Variants in CCDC57 observed in about 807,000 individuals in gnomAD.
CCDC57 encodes the protein coiled-coil domain-containing protein 57.
CCDC57 carries 118 observed loss-of-function variants against 118.9 expected under a neutral mutation model. The ratio of observed to expected loss-of-function variants is 0.99; its 90% CI spans 0.86 to 1.16. The LOEUF (loss-of-function observed/expected upper bound fraction) is 1.16, where lower values mean the gene tolerates loss of function less well. Ranked by LOEUF, CCDC57 falls within the 50% of genes most tolerant of loss-of-function variation. CCDC57 has a pLI of 0.00. For missense variants in CCDC57, 1,300 were observed against 1,320.7 expected (o/e 0.98, Z 0.24); for synonymous variants, 527 against 532.9 (o/e 0.99, Z 0.15).
At chr17:82,128,193 C>T (rs758310265) in intron 18 of CCDC57, among the ~76,000 whole-genome samples, 3 of 152,148 alleles carry the variant, frequency 2.0e-5, no homozygotes, top group Non-Finnish European at 4.4e-5. Flanking sequence ...TGTTTCGTTT[C>T]GATGGGGAAT....
intron 19 of CCDC57, among the ~76,000 whole-genome samples, chr17:82,103,440 C>A (rs1332160062): frequency 1.3e-5 from 2 of 152,190 alleles, no homozygotes; most frequent in Non-Finnish European, 2.9e-5. Flanking sequence ...CCTGCCTGAC[C>A]TCCTGGTCCC....
chr17:82,122,027 A>G (rs1220569319), intron 19 of CCDC57, among the ~76,000 whole-genome samples: 1 of 152,238 alleles, frequency 6.6e-6, no homozygotes, highest in Admixed American at 6.5e-5. Context: ...CCTCGGCCCC[A>G]GGTGACTCCT....
At chr17:82,195,453 G>T in intron 4 of CCDC57, 89 bp from the exon 4 acceptor site, 1 of 966,970 alleles carries the variant, frequency 1.0e-6, no homozygotes, top group Non-Finnish European at 1.6e-6. Flanking sequence ...CCAGAGGTGA[G>T]CAGGACACAG....
At chr17:82,181,514 G>A (rs916812154) in intron 9 of CCDC57, among the ~76,000 whole-genome samples, 1 of 152,160 alleles carries the variant, frequency 6.6e-6, no homozygotes, top group Non-Finnish European at 1.5e-5. Flanking sequence ...CCAGATGCTC[G>A]CCAACATCAT....
chr17:82,146,387 T>G (rs1225427683), intron 16 of CCDC57, among the ~76,000 whole-genome samples: 1 of 152,136 alleles, frequency 6.6e-6, no homozygotes, highest in East Asian at 1.9e-4. Flanking sequence ...TAAATGTTTT[T>G]AGAGACTGGA....
chr17:82,188,711 A>C (rs1568422413), intron 7 of CCDC57, among the ~76,000 whole-genome samples: 1 of 152,246 alleles, frequency 6.6e-6, no homozygotes, highest in Non-Finnish European at 1.5e-5. Context: ...AACCTGCGAA[A>C]GGAGGTGCAT....
chr17:82,108,370 C>G (rs550175752), intron 19 of CCDC57, among the ~76,000 whole-genome samples: 207 of 152,298 alleles, frequency 1.4e-3, no homozygotes, highest in African/African-American at 4.7e-3. Context: ...CCCCCAGCCC[C>G]TCAGGAAAGA....
intron 15 of CCDC57, chr17:82,155,998 G>C (rs1360717992): frequency 6.6e-6 from 1 of 152,122 alleles, no homozygotes; most frequent in Non-Finnish European, 1.5e-5. Flanking sequence ...CTGCTTATTT[G>C]GGCCAGGCAC....
intron 19 of CCDC57, among the ~76,000 whole-genome samples, chr17:82,120,118 TTTA>T (rs2036470738): frequency 6.6e-6 from 1 of 152,210 alleles, no homozygotes. Context: ...ATGTCATTAA[TTTA>T]GATGCCACTA....
chr17:82,157,992 T>C (rs758062064), intron 14 of CCDC57, 44 bp from the exon 14 acceptor site: 4 of 1,531,854 alleles, frequency 2.6e-6, no homozygotes, highest in Non-Finnish European at 3.5e-6. Context: ...AGGCAGTGGC[T>C]GGGCTGGAGC....
intron 4 of CCDC57, among the ~76,000 whole-genome samples, chr17:82,196,403 T>G (rs2048305046): frequency 6.6e-6 from 1 of 152,232 alleles, no homozygotes; most frequent in African/African-American, 2.4e-5. Context: ...TGCAGGCCAT[T>G]TCAGAAGCAG....
intron 19 of CCDC57, among the ~76,000 whole-genome samples, chr17:82,103,381 T>C (rs1463116595): frequency 3.0e-4 from 45 of 151,996 alleles, no homozygotes; most frequent in Admixed American, 2.9e-3. Flanking sequence ...CCCAGAGGAA[T>C]TCCTCCTCTT....
chr17:82,150,198 TAGAACCAGGCGCACACCC>T (rs1231064614), intron 16 of CCDC57, among the ~76,000 whole-genome samples: 21 of 12,202 alleles, frequency 1.7e-3, no homozygotes, highest in Admixed American at 4.9e-3. Flanking sequence ...GACCCGCACC[TAGAACCAGGCGCACACCC>T]AGAACCAGGC....
In CCDC57 at chr17:82,128,539, C is replaced by A. The variant is rs377460901; in HGVS notation, c.2636G>T (p.Arg879Leu). ...AAGTCTGCTGCCCACCTGTGCTGAG[C>A]GGGGCTGGTGCTTTCCCAAGTGTCT... Residue 879 changes from arginine (R) to leucine (L), a missense_variant, in exon 18 of 20, where the codon CGC becomes CTC. Coordinates refer to ENST00000665763, the Ensembl canonical transcript of CCDC57. 15 of 1,575,122 alleles carry A rather than the reference C, an allele frequency of 9.5e-6. No homozygotes were observed. Among genetic ancestry groups the A allele is most frequent in the African/African-American group, 4.1e-5 (3 of 73,966 alleles).
exon 6 of CCDC57, chr17:82,193,995 T>C: frequency 1.2e-6 from 2 of 1,611,232 alleles, no homozygotes; most frequent in Non-Finnish European, 1.7e-6. Context: ...GCGCGGCTCA[T>C]GGCCTCCAGG....
chr17:82,149,068 G>C (rs2041453186), intron 16 of CCDC57, among the ~76,000 whole-genome samples: 1 of 94,950 alleles, frequency 1.1e-5, no homozygotes, highest in Non-Finnish European at 2.1e-5. Context: ...TGGGTGGATG[G>C]ATGGATGGGT....
intron 19 of CCDC57, among the ~76,000 whole-genome samples, chr17:82,120,848 C>T (rs76418287): frequency 3.9e-5 from 6 of 152,058 alleles, no homozygotes; most frequent in African/African-American, 7.2e-5. Flanking sequence ...CTCCGCCTCT[C>T]GGGTTCACAG....
chr17:82,181,503 A>C (rs1327280177), intron 9 of CCDC57, among the ~76,000 whole-genome samples: 1 of 152,196 alleles, frequency 6.6e-6, no homozygotes, highest in East Asian at 1.9e-4. Flanking sequence ...CACAGCCAAA[A>C]CCAGATGCTC....
At chr17:82,202,330 T>C (rs892787986) in intron 2 of CCDC57, among the ~76,000 whole-genome samples, 3 of 149,234 alleles carry the variant, frequency 2.0e-5, no homozygotes, top group Non-Finnish European at 4.4e-5. Context: ...TAGCCTGCTG[T>C]GGTGGCACGT....
Sources: gnomAD v4.1 joint callset for allele counts (sites outside exome capture counted in the v4.1 genomes callset) on GRCh38, gnomAD v4.1.1 for gene constraint, MANE v1.5 for transcripts, NCBI Gene and HGNC (gene_info 2026-07-23, HGNC 2026-07-21) for gene names.